The following PAN2 variants were observed in gnomAD, a reference collection of about 807,000 sequenced individuals.
PAN2 encodes the protein poly(A) specific ribonuclease subunit PAN2, also known as PAN2-PAN3 deadenylation complex catalytic subunit PAN2.
Under a neutral mutation model 133.3 loss-of-function variants are expected in PAN2, and 68 were observed. The ratio of observed to expected loss-of-function variants is 0.51; its 90% CI spans 0.42 to 0.62. The LOEUF (loss-of-function observed/expected upper bound fraction) is 0.62, where lower values mean the gene tolerates loss of function less well. PAN2 is among the 20% of genes least tolerant of loss of function. The pLI, the probability that PAN2 is intolerant of heterozygous loss-of-function variation, is 0.00. For missense variants in PAN2, 1,042 were observed against 1,500.5 expected (o/e 0.69, Z 5.05); for synonymous variants, 462 against 544.6 (o/e 0.85, Z 2.11).
intron 2 of PAN2, among the ~76,000 whole-genome samples, chr12:56,332,488 G>C (rs1184581235): frequency 1.3e-5 from 2 of 151,564 alleles, no homozygotes; most frequent in East Asian, 1.9e-4. Context: ...CCAGCTACTT[G>C]AGATGCTAAA....
chr12:56,318,370 G>T lies in PAN2; in HGVS notation c.3429C>A (p.Tyr1143Ter). 6.2e-7 allele frequency: 1 copy of T among 1,614,026 alleles called. No individual in the cohort carries two copies. The highest frequency in any genetic ancestry group is 8.5e-7 in the Non-Finnish European group (1 of 1,179,968). Residue 1143 changes from tyrosine (Y) to a stop codon, truncating the protein, a stop_gained, in exon 25 of 26, where the codon TAC becomes TAA. Coordinates refer to ENST00000440411, the MANE Select transcript of PAN2 (RefSeq NM_014871.6). LOFTEE classifies it high-confidence loss of function. ...IEDARTALQL[Y>*]RKYLELSKNG... Reference sequence around the variant, plus strand: ...TTTTGCTTAGCTCCAGATACTTTCGGTACAGCTGAAGGGCTGTGCGGGCAT... The same window carrying T: ...TTTTGCTTAGCTCCAGATACTTTCGTTACAGCTGAAGGGCTGTGCGGGCAT...
At position 56,325,426 on chromosome 12, in the gene PAN2, C is replaced by G. The variant is rs772033162; in HGVS notation, c.1388G>C (p.Ser463Thr). Residue 463 changes from serine to threonine, a missense_variant, in exon 9 of 26, where the codon AGT becomes ACT. Transcript: ENST00000440411. ...GACCTGGCTGAAGCTGTCAAATTCACTGTCTGACTCCTTGAGTCTGTAGGG... is the reference window on the plus strand; with the variant it reads ...GACCTGGCTGAAGCTGTCAAATTCAGTGTCTGACTCCTTGAGTCTGTAGGG... The part of the protein sequence containing the change: ...QIPYRLKESD[S>T]EFDSFSQVTE... 2 of 1,614,190 alleles carry G rather than the reference C, an allele frequency of 1.2e-6. No homozygotes were observed. The highest frequency in any genetic ancestry group is 2.2e-5 in the South Asian group (2 of 91,084).
At position 56,319,252 on chromosome 12, in the gene PAN2, G is replaced by A; in HGVS notation, c.3270+56C>T. ...ATTCCCCATTCTCTAAAGGCACAAT[G>A]TATACCCTGAGGGGCCCACTCTCAC... On this transcript the variant is annotated intron_variant, in intron 23 of 25. Transcript: ENST00000440411. This position sits in a 1 kb window ranked among gnomAD's most constrained non-coding sequence, Gnocchi z 5.4. The A allele has an allele frequency of 1.9e-6, 3 of 1,613,196 alleles. No homozygotes were observed. In the South Asian group the frequency reaches 3.3e-5, roughly 18 times the overall value.
At position 56,324,369 on chromosome 12, in the gene PAN2, C is replaced by T; in HGVS notation, c.1853G>A (p.Arg618His). 1 of 1,614,140 alleles carries T rather than the reference C, an allele frequency of 6.2e-7. No homozygotes were observed. Among genetic ancestry groups the T allele is most frequent in the Non-Finnish European group, 8.5e-7 (1 of 1,180,024 alleles). The stretch of plus-strand genomic sequence containing the variant: ...TTGATGCAGTTGAGTGAGAATGAAG[C>T]GATTCCACCTCTGAATGAGCCTGGC... ...NLARLIQRWN[R>H]FILTQLHQDM... The change falls in exon 12 of 26, where the codon CGC (arginine) becomes CAC (histidine). Residue 618 changes from arginine to histidine, a missense_variant. Arg to His is a conservative substitution (Grantham distance 29). This residue lies in a region of PAN2 where 908 missense variants were observed against 1,223.5 expected (regional missense o/e 0.74). Transcript: ENST00000440411.
chr12:56,318,187 A>AC, intron 25 of PAN2, 50 bp downstream of exon 25: 1 of 1,504,988 alleles, frequency 6.6e-7, no homozygotes. Flanking sequence ...AAACAAACAA[A>AC]ATACAAAATC....
rs746439965 is a variant in PAN2, at chr12:56,324,491, G to A, written c.1731C>T (p.Gly577=). 3.1e-6 allele frequency: 5 copies of A among 1,613,186 alleles called. No individual in the cohort carries two copies. Among genetic ancestry groups the A allele is most frequent in the South Asian group, 1.1e-5 (1 of 91,036 alleles). The change falls in exon 12 of 26, where the codon GGC becomes GGT. Residue 577 remains glycine (G), a splice_region_variant and synonymous_variant. Coordinates refer to ENST00000440411, the MANE Select transcript of PAN2 (RefSeq NM_014871.6). ...LDLSRGDPCQ[G]NNFLRAFRTI... ...TACGGAATGCCCGAAGAAAATTATTGCCCTGGAAATGTGTTGGTGGAAAGG... is the reference window on the plus strand; with the variant it reads ...TACGGAATGCCCGAAGAAAATTATTACCCTGGAAATGTGTTGGTGGAAAGG...
chr12:56,323,673 G>A (rs752007249), intron 14 of PAN2, 75 bp from the exon 15 acceptor site: 27 of 1,478,424 alleles, frequency 1.8e-5, no homozygotes, highest in East Asian at 6.8e-5. Flanking sequence ...CTGGGTCTGC[G>A]TCTTCAAACT....
At chr12:56,330,853 C>T (rs1875754177) in intron 2 of PAN2, among the ~76,000 whole-genome samples, 1 of 151,992 alleles carries the variant, frequency 6.6e-6, no homozygotes, top group South Asian at 2.1e-4. Context: ...GGCAGGAGTG[C>T]AGTGGTGTGA....
In PAN2 at chr12:56,322,760, T is replaced by C. The variant is rs746527638; in HGVS notation, c.2494-2A>G. 4 of 1,606,862 alleles carry C rather than the reference T, an allele frequency of 2.5e-6. No individual in the cohort carries two copies. Among genetic ancestry groups the C allele is most frequent in the Non-Finnish European group, 3.4e-6 (4 of 1,177,634 alleles). On this transcript the variant is annotated splice_acceptor_variant, in intron 17 of 25. Coordinates refer to ENST00000440411, the MANE Select transcript of PAN2 (RefSeq NM_014871.6). LOFTEE classifies it high-confidence loss of function. ...CTCCTCTGCCCTGGCTGGGCCCCAC[T>C]GTGAGGGGGGTACCCAGGCTGCTAA...
chr12:56,323,104 T>G lies in PAN2; in HGVS notation c.2451A>C (p.Lys817Asn). The G allele has an allele frequency of 6.2e-7, 1 of 1,614,130 alleles. No homozygotes were observed. Among genetic ancestry groups the G allele is most frequent in the Non-Finnish European group, 8.5e-7 (1 of 1,180,018 alleles). Residue 817 changes from lysine to asparagine, a missense_variant, in exon 17 of 26, where the codon AAA becomes AAC. By Grantham distance (94) the Lys-to-Asn change is moderately conservative. Transcript: ENST00000440411. ...CAGTCCAATTGCAAACATCCAGCCC[T>G]TTGTTTTTGGTCATCTTCATGCGAA... is the stretch of plus-strand genomic sequence containing the variant. ...FSIRMKMTKN[K>N]GLDVCNWTDG...
chr12:56,327,144 T>C (rs1875214027), intron 6 of PAN2, among the ~76,000 whole-genome samples, 185 bp from the exon 7 acceptor site: 1 of 152,250 alleles, frequency 6.6e-6, no homozygotes, highest in Non-Finnish European at 1.5e-5. Flanking sequence ...AGAGCAATTC[T>C]ACAGTTATTT....
chr12:56,333,067 G>T lies in PAN2; in HGVS notation c.28C>A (p.Leu10Met). 6.2e-7 allele frequency: 1 copy of T among 1,614,086 alleles called. No individual in the cohort carries two copies. The highest frequency in any genetic ancestry group is 2.2e-5 in the East Asian group (1 of 44,888). The change falls in exon 2 of 26, where the codon CTG (leucine) becomes ATG (methionine). Residue 10 changes from leucine (L) to methionine (M), a missense_variant. Around this residue, in one of 3 missense-constraint regions of PAN2, gnomAD observed 908 missense variants for 1,223.5 expected, o/e 0.74. Coordinates refer to ENST00000440411, the MANE Select transcript of PAN2 (RefSeq NM_014871.6). ...TGCATGGCTGGGGCATATTCTGCCAGTCCAGGGTCCAGACCCTCAAAGTTC... is the reference window on the plus strand; with the variant it reads ...TGCATGGCTGGGGCATATTCTGCCATTCCAGGGTCCAGACCCTCAAAGTTC... MNFEGLDPG[L>M]AEYAPAMHSA...
intron 11 of PAN2, 33 bp downstream of exon 11, chr12:56,324,548 C>A: frequency 6.2e-7 from 1 of 1,612,270 alleles, no homozygotes; most frequent in African/African-American, 1.3e-5. Context: ...CACCTTCCTT[C>A]CCCTTCCATT....
Position 56,318,417 on chromosome 12 carries a change from C to G in PAN2, c.3382G>C (p.Glu1128Gln). 1 of 1,613,904 alleles carries G rather than the reference C, an allele frequency of 6.2e-7. No homozygotes were observed. Among genetic ancestry groups the G allele is most frequent in the Non-Finnish European group, 8.5e-7 (1 of 1,179,832 alleles). The change falls in exon 25 of 26, where the codon GAA becomes CAA. Residue 1128 changes from glutamate (E) to glutamine (Q), a missense_variant. Glu to Gln is a conservative substitution (Grantham distance 29). Transcript: ENST00000440411. The part of the protein sequence containing the change: ...WYFLDLKIQG[E>Q]THDSIEDART... ...GCATCCTCAATACTGTCATGGGTTT[C>G]CCCTTGAATCTTCAGGTCTGGGGTA...
intron 8 of PAN2, 36 bp downstream of exon 8, chr12:56,326,277 G>C: frequency 6.6e-7 from 1 of 1,524,942 alleles, no homozygotes; most frequent in Non-Finnish European, 8.9e-7. Context: ...ACTTCAGTGG[G>C]CCGGGGTCGG....
Position 56,328,333 on chromosome 12 carries a change from T to C in PAN2, c.478A>G (p.Ser160Gly). The change falls in exon 4 of 26, where the codon AGT (serine) becomes GGT (glycine). Residue 160 changes from serine to glycine, a missense_variant. Physicochemically the swap from Ser to Gly is moderately conservative, Grantham distance 56 (BLOSUM62 0). This residue lies in a region of PAN2 where 908 missense variants were observed against 1,223.5 expected (regional missense o/e 0.74). Transcript: ENST00000440411. ...YLLDENEDMH[S>G]LLLTDSSTLL... ...GTGCTGCTGTCAGTCAGTAGGAGAC[T>C]GTGCATATCCTCATTCTCATCCAGC... The C allele has an allele frequency of 6.2e-7, 1 of 1,606,258 alleles. No homozygotes were observed. The highest frequency in any genetic ancestry group is 8.5e-7 in the Non-Finnish European group (1 of 1,175,982).
At chr12:56,328,195 A>C in intron 4 of PAN2, 43 bp downstream of exon 4, 1 of 1,592,556 alleles carries the variant, frequency 6.3e-7, no homozygotes, top group Non-Finnish European at 8.6e-7. Context: ...CCCCCGCAAC[A>C]ACCTCAGACC....
chr12:56,328,780 G>C lies in PAN2; in HGVS notation c.283-139C>G, dbSNP rs1213922537. The C allele has an allele frequency of 1.5e-5, 9 of 619,388 alleles. No homozygotes were observed. The Admixed American group carries it at 2.0e-4, about 14-fold the overall frequency. 38.4% of individuals were successfully genotyped at this position (619,388 alleles called of 1,614,324 possible). ...TGACTAGGAGCAACTGGGGCAAAAG[G>C]CTAGGAACCAGTCAATCTTAGTGAT... On this transcript the variant is annotated intron_variant, in intron 2 of 25. Transcript: ENST00000440411.
Position 56,319,005 on chromosome 12 carries a change from C to G in PAN2, c.3364+83G>C. On this transcript the variant is annotated intron_variant, in intron 24 of 25. Coordinates refer to ENST00000440411, the MANE Select transcript of PAN2 (RefSeq NM_014871.6). The surrounding 1 kb of genome is among the most constrained non-coding windows in gnomAD (Gnocchi z 5.4). The stretch of plus-strand genomic sequence containing the variant: ...ATGGCCCACAGCTCCATCCATGTTG[C>G]CGCAAAGAACATGATTTCTTTTTTT... 7.5e-7 allele frequency: 1 copy of G among 1,334,098 alleles called. No individual in the cohort carries two copies. Among genetic ancestry groups the G allele is most frequent in the Non-Finnish European group, 1.1e-6 (1 of 931,600 alleles). The allele number at this position is 1,334,098 out of a possible 1,614,324, so 82.6% of individuals were successfully genotyped here. A position where few individuals can be genotyped will look rare whatever the true frequency, so the allele number is the denominator to read the frequency against.
Sources: gnomAD v4.1 joint callset for allele counts (sites outside exome capture counted in the v4.1 genomes callset) on GRCh38, gnomAD v4.1.1 for gene constraint, gnomAD v4.1.1 regional missense constraint, Gnocchi (gnomAD v3.1) non-coding constraint, MANE v1.5 for transcripts, NCBI Gene and HGNC (gene_info 2026-07-23, HGNC 2026-07-21) for gene names.